RYK: variants seen among roughly 807,000 people sequenced by gnomAD.
RYK encodes the protein inactive tyrosine-protein kinase RYK.
A neutral mutation model predicts 70.2 loss-of-function variants in RYK; 21 were observed. That is an observed-to-expected ratio of 0.30 (90% confidence interval 0.21 to 0.43). RYK has a LOEUF of 0.43. RYK is among the 20% of genes least tolerant of loss of function. The pLI, the probability that RYK is intolerant of heterozygous loss-of-function variation, is 1.00. For missense variants in RYK, 604 were observed against 753.3 expected (o/e 0.80, Z 2.32); for synonymous variants, 267 against 278.0 (o/e 0.96, Z 0.39).
chr3:134,183,532 C>T (rs1007380437), intron 9 of RYK: 1 of 152,132 alleles, frequency 6.6e-6, no homozygotes, highest in Admixed American at 6.6e-5. Flanking sequence ...ATGCCATTTC[C>T]CCTGTCAAAT....
intron 6 of RYK, among the ~76,000 whole-genome samples, chr3:134,200,227 A>G (rs560432644): frequency 5.3e-5 from 8 of 152,150 alleles, no homozygotes; most frequent in African/African-American, 1.4e-4. Flanking sequence ...TTGGGTCCGC[A>G]CTACCTTTAT....
At chr3:134,246,907 A>G (rs890644580) in intron 1 of RYK, among the ~76,000 whole-genome samples, 1 of 152,146 alleles carries the variant, frequency 6.6e-6, no homozygotes, top group Non-Finnish European at 1.5e-5. Flanking sequence ...TTGGAGCAAG[A>G]GGATGGAATG....
chr3:134,221,425 G>T (rs563868169), intron 2 of RYK, among the ~76,000 whole-genome samples: 1 of 151,818 alleles, frequency 6.6e-6, no homozygotes, highest in South Asian at 2.1e-4. Context: ...AGATGGTCTC[G>T]ATCTCCTGAC....
intron 10 of RYK, chr3:134,179,735 A>T (rs2013230328): frequency 6.6e-6 from 1 of 152,230 alleles, no homozygotes; most frequent in Admixed American, 6.5e-5. Context: ...TACACTAAGG[A>T]TTAACTTGGG....
intron 1 of RYK, among the ~76,000 whole-genome samples, chr3:134,242,071 A>G (rs1027043262): frequency 6.6e-6 from 1 of 152,156 alleles, no homozygotes; most frequent in East Asian, 1.9e-4. Context: ...AAAGGAGGCC[A>G]AGGTGGGTGG....
At chr3:134,160,526 T>TC (rs898875935) in intron 13 of RYK, among the ~76,000 whole-genome samples, 5 of 152,066 alleles carry the variant, frequency 3.3e-5, no homozygotes, top group African/African-American at 1.2e-4. Flanking sequence ...TAGCTACATT[T>TC]CCCCCCAGAA....
chr3:134,168,488 A>G (rs1226519622), intron 13 of RYK, among the ~76,000 whole-genome samples: 1 of 152,210 alleles, frequency 6.6e-6, no homozygotes, highest in Non-Finnish European at 1.5e-5. Flanking sequence ...GGACGAAACT[A>G]GAAACCATCA....
At chr3:134,213,050 C>A (rs1246508219) in intron 2 of RYK, among the ~76,000 whole-genome samples, 1 of 152,202 alleles carries the variant, frequency 6.6e-6, no homozygotes, top group Admixed American at 6.5e-5. Context: ...GAAGTGTTCA[C>A]ATTCACCTTA....
At chr3:134,202,081 A>C (rs2014044835) in intron 6 of RYK, among the ~76,000 whole-genome samples, 1 of 152,174 alleles carries the variant, frequency 6.6e-6, no homozygotes, top group Non-Finnish European at 1.5e-5. Flanking sequence ...TAAAAGATTA[A>C]AATCTTGAAA....
intron 6 of RYK, 27 bp from the exon 7 acceptor site, chr3:134,195,209 T>C (rs748228758): frequency 2.6e-6 from 4 of 1,534,968 alleles, no homozygotes; most frequent in East Asian, 2.3e-5. Flanking sequence ...AGAGAAATAT[T>C]TGACAAGTCA....
chr3:134,238,498 G>A (rs1041299061), intron 1 of RYK, among the ~76,000 whole-genome samples: 2 of 152,138 alleles, frequency 1.3e-5, no homozygotes, highest in Non-Finnish European at 2.9e-5. Context: ...TCTGCCTAAA[G>A]AAAAGCAGGT....
At chr3:134,216,977 C>G (rs1229669816) in intron 2 of RYK, among the ~76,000 whole-genome samples, 3 of 152,040 alleles carry the variant, frequency 2.0e-5, no homozygotes, top group Non-Finnish European at 4.4e-5. Flanking sequence ...CTACTCCCAA[C>G]TCAAAATGCA....
rs1393901137 is a variant in RYK at position 134,185,049 on chromosome 3, G to A, written c.1103-1978C>T. On this transcript the variant is annotated intron_variant, in intron 9 of 14. Transcript: ENST00000623711. ...ACTCAGGTGGCTGAGGTGGGGGATT[G>A]CTTGAGCCCAGGAGGTTGAGGCTGC... Among the ~76,000 whole-genome samples, 8 of 151,294 alleles carry A rather than the reference G, an allele frequency of 5.3e-5. No homozygotes were observed. In the South Asian group the frequency reaches 1.7e-3, roughly 32 times the overall value.
chr3:134,185,216 C>T (rs935729333), intron 9 of RYK, among the ~76,000 whole-genome samples: 1 of 152,150 alleles, frequency 6.6e-6, no homozygotes, highest in Admixed American at 6.5e-5. Flanking sequence ...AAAAGACTGG[C>T]AAAGCCAAGA....
At chr3:134,184,237 T>G (rs1320573052) in intron 9 of RYK, among the ~76,000 whole-genome samples, 1 of 152,218 alleles carries the variant, frequency 6.6e-6, no homozygotes, top group Non-Finnish European at 1.5e-5. Context: ...AAACTCATGG[T>G]TTTTGGTCCA....
intron 5 of RYK, among the ~76,000 whole-genome samples, chr3:134,205,055 A>G (rs1453295315): frequency 6.6e-6 from 1 of 152,212 alleles, no homozygotes; most frequent in East Asian, 1.9e-4. Flanking sequence ...GTACCAAAGT[A>G]GAAAGAAAAA....
At chr3:134,236,334 T>C (rs1004843179) in intron 1 of RYK, among the ~76,000 whole-genome samples, 3 of 152,006 alleles carry the variant, frequency 2.0e-5, no homozygotes, top group Non-Finnish European at 4.4e-5. Context: ...AAAAGGAAAT[T>C]AGAAAACAAT....
intron 1 of RYK, among the ~76,000 whole-genome samples, chr3:134,244,316 G>C (rs1346248882): frequency 6.6e-6 from 1 of 152,114 alleles, no homozygotes; most frequent in Non-Finnish European, 1.5e-5. Context: ...ATCAATTAAA[G>C]AACATGGGAG....
intron 1 of RYK, among the ~76,000 whole-genome samples, chr3:134,233,301 T>C (rs912873566): frequency 6.6e-6 from 1 of 152,234 alleles, no homozygotes; most frequent in Non-Finnish European, 1.5e-5. Context: ...TTTTAGTGAA[T>C]AGGTAAACTT....
Sources: gnomAD v4.1 joint callset for allele counts (sites outside exome capture counted in the v4.1 genomes callset) on GRCh38, gnomAD v4.1.1 for gene constraint, MANE v1.5 for transcripts, NCBI Gene and HGNC (gene_info 2026-07-23, HGNC 2026-07-21) for gene names.